MTOR: variants seen among roughly 807,000 people sequenced by gnomAD.
MTOR encodes the protein serine/threonine-protein kinase mTOR.
In MTOR, 70 loss-of-function variants were observed where a neutral mutation model predicts 319.8. The observed-to-expected ratio is 0.22, with a 90% CI of 0.18 to 0.27. The LOEUF (loss-of-function observed/expected upper bound fraction) is 0.27. MTOR is among the 10% of genes least tolerant of loss of function. The pLI is 1.00. For missense variants in MTOR, 1,890 were observed against 3,274.4 expected (o/e 0.58, Z 10.32); for synonymous variants, 1,183 against 1,211.4 (o/e 0.98, Z 0.49).
chr1:11,110,691 C>T (rs186282478), intron 54 of MTOR, among the ~76,000 whole-genome samples: 1 of 152,164 alleles, frequency 6.6e-6, no homozygotes, highest in Non-Finnish European at 1.5e-5. Context: ...CCACCGCACC[C>T]GGGTGATAGT....
chr1:11,259,917 C>T (rs1382117614), intron 1 of MTOR, among the ~76,000 whole-genome samples: 3 of 152,022 alleles, frequency 2.0e-5, no homozygotes, highest in Non-Finnish European at 4.4e-5. Flanking sequence ...CAAAAACAAA[C>T]GAAAACAAAA....
intron 29 of MTOR, among the ~76,000 whole-genome samples, chr1:11,161,139 C>G (rs1055754297): frequency 6.6e-6 from 1 of 152,236 alleles, no homozygotes; most frequent in Non-Finnish European, 1.5e-5. Flanking sequence ...GAGATTATAA[C>G]CCGTGCCTGG....
rs754424784 is a variant in MTOR at position 11,150,136 on chromosome 1, T to C, written c.4560A>G (p.Ala1520=). ...TGAGGGAAGCTTTACCTAAACCCCATGCAGCTGCAGCAGCCATCCGGGCCA... is the reference window on the plus strand; with the variant it reads ...TGAGGGAAGCTTTACCTAAACCCCACGCAGCTGCAGCAGCCATCCGGGCCA... ...AKMARMAAAA[A]WGLGQWDSME... The change falls in exon 31 of 58, where the codon GCA becomes GCG. Residue 1520 remains alanine, a synonymous_variant. Coordinates refer to ENST00000361445, the MANE Select transcript of MTOR (RefSeq NM_004958.4). 2 of 1,613,788 alleles carry C rather than the reference T, an allele frequency of 1.2e-6. No individual in the cohort carries two copies. Among genetic ancestry groups the C allele is most frequent in the Admixed American group, 1.7e-5 (1 of 59,996 alleles).
intron 28 of MTOR, among the ~76,000 whole-genome samples, chr1:11,176,416 C>T (rs181114187): frequency 3.9e-5 from 6 of 152,240 alleles, no homozygotes; most frequent in Non-Finnish European, 8.8e-5. Flanking sequence ...TCTGCAGGCA[C>T]AGCTGGGGCA....
rs1188147838 is a variant in MTOR at position 11,121,994 on chromosome 1, A to G, written c.6795T>C (p.His2265=). The G allele has an allele frequency of 1.9e-6, 3 of 1,614,012 alleles. No individual in the cohort carries two copies. In the East Asian group the frequency reaches 6.7e-5, roughly 36 times the overall value. The part of the protein sequence containing the change: ...EKKKILLNIE[H]RIMLRMAPDY... ...CATCACATACCCGCAACATGATGCG[A>G]TGCTCGATGTTGAGAAGGATCTTCT... Residue 2265 remains histidine, a synonymous_variant, in exon 48 of 58, where the codon CAT becomes CAC. Transcript: ENST00000361445. The surrounding 1 kb of genome is among the most constrained non-coding windows in gnomAD (Gnocchi z 4.9).
intron 53 of MTOR, among the ~76,000 whole-genome samples, chr1:11,113,879 G>A (rs1294555962): frequency 1.3e-5 from 2 of 152,192 alleles, no homozygotes; most frequent in African/African-American, 4.8e-5. Context: ...GAGGTGATTA[G>A]ATCATGGGGA....
rs1455010071 is a variant in MTOR at position 11,127,085 on chromosome 1, C to A, written c.6276G>T (p.Gly2092=). ...AGGCTTGGGTGAGGTCCTTGACATT[C>A]CCTGATTTCATGTACTTCCTGCACC... ...QEWCRKYMKS[G]NVKDLTQAWD... Residue 2092 remains glycine, a synonymous_variant, in exon 45 of 58, where the codon GGG becomes GGT. Coordinates refer to ENST00000361445, the MANE Select transcript of MTOR (RefSeq NM_004958.4). The surrounding 1 kb of genome is among the most constrained non-coding windows in gnomAD (Gnocchi z 5.5). 9.9e-6 allele frequency: 16 copies of A among 1,614,066 alleles called. No homozygotes were observed. Among genetic ancestry groups the A allele is most frequent in the Non-Finnish European group, 1.4e-5 (16 of 1,180,048 alleles).
At chr1:11,227,143 C>A (rs1374652692) in intron 19 of MTOR, among the ~76,000 whole-genome samples, 1 of 151,002 alleles carries the variant, frequency 6.6e-6, no homozygotes, top group African/African-American at 2.4e-5. Flanking sequence ...ACTAAAAATA[C>A]AAAAATTAGC....
At chr1:11,237,223 T>C (rs991332173) in intron 13 of MTOR, among the ~76,000 whole-genome samples, 1 of 152,096 alleles carries the variant, frequency 6.6e-6, no homozygotes, top group Admixed American at 6.6e-5. Context: ...CAGGACTCCA[T>C]GTATTGCTCA....
At chr1:11,224,647 T>C (rs1646772624) in intron 19 of MTOR, among the ~76,000 whole-genome samples, 1 of 152,184 alleles carries the variant, frequency 6.6e-6, no homozygotes, top group Non-Finnish European at 1.5e-5. Flanking sequence ...GAAATATTTA[T>C]GAAAATCAAT....
In MTOR at chr1:11,204,686, C is replaced by A; in HGVS notation, c.3819G>T (p.Arg1273Ser). Residue 1273 changes from arginine (R) to serine (S), a missense_variant, in exon 26 of 58, where the codon AGG becomes AGT. By Grantham distance (110) the Arg-to-Ser change is moderately radical. Transcript: ENST00000361445. Reference sequence around the variant, plus strand: ...CCAGCCAGTCATCTTTGGAGACCCTCCTGGCAGCGCCCCAGGCCTGTGATC... The same window carrying A: ...CCAGCCAGTCATCTTTGGAGACCCTACTGGCAGCGCCCCAGGCCTGTGATC... ...INLQKAWGAA[R>S]RVSKDDWLEW... The A allele has an allele frequency of 1.9e-6, 3 of 1,614,102 alleles. No homozygotes were observed. Among genetic ancestry groups the A allele is most frequent in the Non-Finnish European group, 2.5e-6 (3 of 1,180,006 alleles).
intron 6 of MTOR, among the ~76,000 whole-genome samples, chr1:11,252,310 T>G (rs2100960389): frequency 6.6e-6 from 1 of 152,282 alleles, no homozygotes; most frequent in South Asian, 2.1e-4. Context: ...TTAAAAAAAT[T>G]TTTTTGTAGA....
At chr1:11,179,311 A>C (rs933214144) in intron 28 of MTOR, among the ~76,000 whole-genome samples, 6 of 152,194 alleles carry the variant, frequency 3.9e-5, no homozygotes, top group Non-Finnish European at 7.3e-5. Flanking sequence ...GAGCACTGGG[A>C]CACAGTGTAA....
Position 11,106,948 on chromosome 1 carries a change from GC to G in MTOR, c.*536del. Reference sequence around the variant, plus strand: ...AGACAGACCTTTTGTACTCATTTTGGCCTATCTTGCAAACATTTCTGCTGCT... The same window carrying G: ...AGACAGACCTTTTGTACTCATTTTGGCTATCTTGCAAACATTTCTGCTGCT... On this transcript the variant is annotated 3_prime_UTR_variant, in exon 58 of 58. Coordinates refer to ENST00000361445, the MANE Select transcript of MTOR (RefSeq NM_004958.4). 1 of 1,370,448 alleles carries G rather than the reference GC, an allele frequency of 7.3e-7. No homozygotes were observed. The allele number at this position is 1,370,448 out of a possible 1,614,324, so 84.9% of individuals were successfully genotyped here.
rs1159601687 is a variant in MTOR, at chr1:11,130,186, A to G, written c.5613+343T>C. 9.9e-5 allele frequency among the ~76,000 whole-genome samples: 15 copies of G among 152,132 alleles called. 1 individual carries two copies. Among genetic ancestry groups the G allele is most frequent in the Admixed American group, 9.8e-4 (15 of 15,270 alleles). ...GGGGAAGAAGTGGAAGTGGAGAGAA[A>G]AAGGCAGAGGATGGACCTCCCAAGC... On this transcript the variant is annotated intron_variant, in intron 39 of 57. Transcript: ENST00000361445.
In MTOR at chr1:11,112,844, G is replaced by C; in HGVS notation, c.7366+8C>G. 1 of 1,614,148 alleles carries C rather than the reference G, an allele frequency of 6.2e-7. No homozygotes were observed. Among genetic ancestry groups the C allele is most frequent in the Non-Finnish European group, 8.5e-7 (1 of 1,179,998 alleles). ...AGAGCCTTTGCGACCTCCCGTGGAT[G>C]CACCTACCGACTGACTGGCCAGCAG... is the stretch of plus-strand genomic sequence containing the variant. On this transcript the variant is annotated splice_region_variant and intron_variant, in intron 54 of 57. Coordinates refer to ENST00000361445, the MANE Select transcript of MTOR (RefSeq NM_004958.4).
chr1:11,239,902 CAAAAA>C (rs36052220), intron 11 of MTOR, among the ~76,000 whole-genome samples: 2 of 121,944 alleles, frequency 1.6e-5, no homozygotes, highest in South Asian at 2.5e-4. Context: ...GACTTTGTCT[CAAAAA>C]AAAAAAAAAA....
chr1:11,122,756 C>T (rs534284429), intron 47 of MTOR, among the ~76,000 whole-genome samples: 54 of 152,258 alleles, frequency 3.5e-4, no homozygotes, highest in African/African-American at 1.3e-3. Context: ...ATCCACCCTC[C>T]TTGGCCTCCC....
At chr1:11,140,391 A>G (rs971454045) in intron 34 of MTOR, among the ~76,000 whole-genome samples, 1 of 152,044 alleles carries the variant, frequency 6.6e-6, no homozygotes, top group Non-Finnish European at 1.5e-5. Flanking sequence ...GATCCCTTGC[A>G]TGCGCAGTTC....
Sources: allele counts gnomAD v4.1 joint callset (sites outside exome capture counted in the v4.1 genomes callset), GRCh38; gene constraint gnomAD v4.1.1; non-coding constraint Gnocchi (gnomAD v3.1); transcripts MANE v1.5; gene names NCBI Gene and HGNC (gene_info 2026-07-23, HGNC 2026-07-21).